Variants in AFG1L observed in about 807,000 individuals in gnomAD.
AFG1L encodes the protein AFG1 like ATPase, also known as AFG1-like ATPase.
In AFG1L, 53 loss-of-function variants were observed where a neutral mutation model predicts 62.2. The ratio of observed to expected loss-of-function variants is 0.85; its 90% CI spans 0.68 to 1.07. The LOEUF (loss-of-function observed/expected upper bound fraction) is 1.07. Among genes scored for constraint, AFG1L ranks in the 50% least tolerant of loss-of-function variants. The pLI is 0.00. For synonymous variants in AFG1L, 228 were observed against 210.3 expected (o/e 1.08, Z -0.73); for missense variants, 555 against 590.5 (o/e 0.94, Z 0.62).
chr6:108,411,284 C>T (rs1250382035), intron 7 of AFG1L, among the ~76,000 whole-genome samples: 1 of 152,222 alleles, frequency 6.6e-6, no homozygotes, highest in Non-Finnish European at 1.5e-5. Context: ...GGGTGGAGCC[C>T]ATCGCAGCTC....
At chr6:108,333,476 C>A (rs888887520) in intron 2 of AFG1L, among the ~76,000 whole-genome samples, 2 of 152,048 alleles carry the variant, frequency 1.3e-5, no homozygotes, top group Admixed American at 1.3e-4. Flanking sequence ...GGTGCAATGG[C>A]TCACGCCTGT....
intron 7 of AFG1L, among the ~76,000 whole-genome samples, chr6:108,407,757 A>G (rs773720517): frequency 7.3e-5 from 11 of 151,646 alleles, no homozygotes; most frequent in South Asian, 4.1e-4. Context: ...CAGGTCTTGA[A>G]CAGGTCTAGC....
chr6:108,417,140 G>A (rs1228785153), intron 7 of AFG1L, among the ~76,000 whole-genome samples: 2 of 151,668 alleles, frequency 1.3e-5, no homozygotes, highest in East Asian at 1.9e-4. Flanking sequence ...AAGCTGAGGT[G>A]GGAGGATTGC....
chr6:108,454,568 C>G (rs1027416958), intron 8 of AFG1L, among the ~76,000 whole-genome samples: 2 of 152,172 alleles, frequency 1.3e-5, no homozygotes, highest in African/African-American at 4.8e-5. Flanking sequence ...TAAGCCATGA[C>G]TGAATGTTTA....
chr6:108,314,768 C>G (rs1046847096), intron 1 of AFG1L, among the ~76,000 whole-genome samples: 2 of 152,042 alleles, frequency 1.3e-5, no homozygotes, highest in Non-Finnish European at 2.9e-5. Context: ...AACAGAAAAA[C>G]CTCCTTGTTC....
At chr6:108,420,259 T>C (rs866958909) in intron 7 of AFG1L, among the ~76,000 whole-genome samples, 5 of 151,960 alleles carry the variant, frequency 3.3e-5, no homozygotes, top group Non-Finnish European at 5.9e-5. Context: ...AACTCCTGAA[T>C]TGGAAAGAGT....
At chr6:108,522,241 T>A (rs1410058267) in intron 12 of AFG1L, 56 bp from the exon 13 acceptor site, 1 of 1,568,394 alleles carries the variant, frequency 6.4e-7, no homozygotes, top group Admixed American at 1.7e-5. Context: ...TATACTTAGG[T>A]TCTGTAAATT....
chr6:108,333,050 A>G (rs57561816), intron 2 of AFG1L, among the ~76,000 whole-genome samples: 6,423 of 152,350 alleles, frequency 0.042, 219 homozygotes, highest in South Asian at 0.1. Context: ...TCTAGTTAAC[A>G]AAAGGTACCA....
chr6:108,339,967 G>T (rs781047304), intron 2 of AFG1L, among the ~76,000 whole-genome samples: 5 of 152,062 alleles, frequency 3.3e-5, no homozygotes, highest in Non-Finnish European at 4.4e-5. Context: ...TCATTCTGTT[G>T]TGCTATCAAA....
intron 1 of AFG1L, among the ~76,000 whole-genome samples, chr6:108,304,977 G>A (rs1562463167): frequency 2.0e-5 from 3 of 152,320 alleles, no homozygotes; most frequent in South Asian, 4.1e-4. Context: ...TATAGAATGC[G>A]ATGCATTTTC....
intron 6 of AFG1L, among the ~76,000 whole-genome samples, chr6:108,394,241 G>A (rs1781194265): frequency 6.6e-6 from 1 of 150,384 alleles, no homozygotes; most frequent in Non-Finnish European, 1.5e-5. Context: ...TTTGCCTCCT[G>A]AGTTCAAGTG....
rs149545192 is a variant in AFG1L at position 108,454,739 on chromosome 6, G to A, written c.890+7443G>A. Among the ~76,000 whole-genome samples the A allele has an allele frequency of 3.0e-3, 458 of 152,068 alleles. 1 individual carries two copies. The highest frequency in any genetic ancestry group is 4.0e-3 in the African/African-American group (167 of 41,502). On this transcript the variant is annotated intron_variant, in intron 8 of 12. Coordinates refer to ENST00000368977, the MANE Select transcript of AFG1L (RefSeq NM_145315.5). ...GAGATCTCAGCTCACTGCAACCTCC[G>A]CCTCCCAGGTTCGAGCAATTCTCGT...
intron 1 of AFG1L, among the ~76,000 whole-genome samples, chr6:108,315,228 C>T (rs907073684): frequency 2.0e-5 from 3 of 152,156 alleles, no homozygotes; most frequent in Non-Finnish European, 4.4e-5. Flanking sequence ...CTACCTTGCT[C>T]ATTTGCATCA....
intron 10 of AFG1L, among the ~76,000 whole-genome samples, chr6:108,478,213 G>A (rs966740911): frequency 6.6e-6 from 1 of 152,200 alleles, no homozygotes; most frequent in African/African-American, 2.4e-5. Flanking sequence ...CGAGGCGGGT[G>A]GATCATGAGG....
intron 1 of AFG1L, among the ~76,000 whole-genome samples, chr6:108,296,431 C>G (rs1246735623): frequency 6.6e-6 from 1 of 152,026 alleles, no homozygotes; most frequent in Non-Finnish European, 1.5e-5. Context: ...AAATGTAAGG[C>G]TTTTTTCTAT....
At chr6:108,408,783 T>C (rs769298031) in intron 7 of AFG1L, among the ~76,000 whole-genome samples, 3 of 152,200 alleles carry the variant, frequency 2.0e-5, no homozygotes, top group Non-Finnish European at 4.4e-5. Flanking sequence ...TAAATCTCTT[T>C]CTTAGTTTTT....
chr6:108,389,890 C>T (rs903013471), intron 6 of AFG1L, among the ~76,000 whole-genome samples: 7 of 151,994 alleles, frequency 4.6e-5, no homozygotes, highest in Admixed American at 6.6e-5. Flanking sequence ...ATCTTTGTGG[C>T]GTTCTCTGTT....
intron 1 of AFG1L, among the ~76,000 whole-genome samples, chr6:108,303,886 A>G: frequency 6.6e-6 from 1 of 152,240 alleles, no homozygotes; most frequent in East Asian, 1.9e-4. Flanking sequence ...TAGTATGTGA[A>G]CAGGGTGAAT....
intron 7 of AFG1L, among the ~76,000 whole-genome samples, chr6:108,404,871 G>T (rs1781783195): frequency 6.6e-6 from 1 of 151,944 alleles, no homozygotes. Flanking sequence ...GGGACTACAA[G>T]TGCACACACC....
Sources: allele counts gnomAD v4.1 joint callset (sites outside exome capture counted in the v4.1 genomes callset), GRCh38; gene constraint gnomAD v4.1.1; transcripts MANE v1.5; gene names NCBI Gene and HGNC (gene_info 2026-07-23, HGNC 2026-07-21).